Variants in CATSPERE observed in about 807,000 individuals in gnomAD.
The protein encoded by CATSPERE is cation channel sperm-associated auxiliary subunit epsilon.
A neutral mutation model predicts 114.1 loss-of-function variants in CATSPERE; 93 were observed. The ratio of observed to expected loss-of-function variants is 0.81; its 90% CI spans 0.69 to 0.97. CATSPERE has a LOEUF of 0.97. Among genes scored for constraint, CATSPERE ranks in the 50% least tolerant of loss-of-function variants. The pLI is 0.00. For synonymous variants in CATSPERE, 341 were observed against 384.1 expected (o/e 0.89, Z 1.31); for missense variants, 1,058 against 1,131.6 (o/e 0.93, Z 0.93).
chr1:244,593,474 C>A (rs1031151488), intron 16 of CATSPERE, 25 bp from the exon 17 acceptor site: 1 of 1,612,990 alleles, frequency 6.2e-7, no homozygotes, highest in African/African-American at 1.3e-5. Flanking sequence ...TATATAAAAT[C>A]ACTAAAGTAG....
chr1:244,453,257 C>A (rs966163143), upstream of CATSPERE, among the ~76,000 whole-genome samples: 2 of 152,198 alleles, frequency 1.3e-5, no homozygotes, highest in African/African-American at 2.4e-5. Flanking sequence ...CCATCTATTT[C>A]TTTCTAGTCA....
intron 8 of CATSPERE, 92 bp downstream of exon 8, chr1:244,518,790 A>T: frequency 1.5e-6 from 1 of 652,850 alleles, no homozygotes; most frequent in Non-Finnish European, 2.5e-6. Context: ...TGTGTCTTAT[A>T]TGTTATTTTC....
At chr1:244,465,258 A>G (rs1667437405) in intron 2 of CATSPERE, among the ~76,000 whole-genome samples, 1 of 151,426 alleles carries the variant, frequency 6.6e-6, no homozygotes, top group Non-Finnish European at 1.5e-5. Context: ...CTGGTCTTGA[A>G]CTCCTGACCT....
intron 17 of CATSPERE, among the ~76,000 whole-genome samples, chr1:244,599,460 C>CTAT (rs1174479376): frequency 1.3e-5 from 2 of 152,148 alleles, no homozygotes; most frequent in African/African-American, 4.8e-5. Context: ...TTAACAAAGC[C>CTAT]TATTGGGTCT....
intron 18 of CATSPERE, among the ~76,000 whole-genome samples, chr1:244,606,606 C>T (rs1162404291): frequency 7.5e-6 from 1 of 133,268 alleles, no homozygotes; most frequent in Admixed American, 7.7e-5. Flanking sequence ...CTTTCTTTTG[C>T]TTTTTTTTTT....
In CATSPERE at chr1:244,575,290, A is replaced by C. The variant is rs7517558; in HGVS notation, c.1950+2518A>C. ...GCAGGTGCCTGCCGTAAGTTGTACG[A>C]TCATGCTCTTTCACCTCCTCTGCTC... On this transcript the variant is annotated intron_variant, in intron 11 of 21. Coordinates refer to ENST00000366534, the MANE Select transcript of CATSPERE (RefSeq NM_001130957.2). The surrounding 1 kb of genome is among the most constrained non-coding windows in gnomAD (Gnocchi z 4.5). 0.19 allele frequency among the ~76,000 whole-genome samples: 28,299 copies of C among 152,152 alleles called. 3,827 individuals are homozygous for C. Among genetic ancestry groups the C allele is most frequent in the East Asian group, 0.41 (2,106 of 5,172 alleles).
In CATSPERE at chr1:244,607,284, G is replaced by A. The variant is rs2148681967; in HGVS notation, c.2403+1490G>A. On this transcript the variant is annotated intron_variant, in intron 18 of 21. Coordinates refer to ENST00000366534, the MANE Select transcript of CATSPERE (RefSeq NM_001130957.2). This position sits in a 1 kb window ranked among gnomAD's most constrained non-coding sequence, Gnocchi z 4.4. ...GGTCTTAGCCAAAAGGCCACTAAGA[G>A]ATACAGTATCATTTCCAGGTCATTC... 6.6e-6 allele frequency among the ~76,000 whole-genome samples: 1 copy of A among 152,286 alleles called. No homozygotes were observed. Among genetic ancestry groups the A allele is most frequent in the Middle Eastern group, 3.4e-3 (1 of 294 alleles).
At chr1:244,466,809 CCCAGTACCTAATGA>C (rs1213941054) in intron 2 of CATSPERE, among the ~76,000 whole-genome samples, 1 of 152,178 alleles carries the variant, frequency 6.6e-6, no homozygotes, top group Non-Finnish European at 1.5e-5. Flanking sequence ...ACAAGTCTCT[CCCAGTACCTAATGA>C]GGGATGGTGC....
At chr1:244,620,625 A>G (rs1170423514) in intron 20 of CATSPERE, among the ~76,000 whole-genome samples, 1 of 152,170 alleles carries the variant, frequency 6.6e-6, no homozygotes, top group Non-Finnish European at 1.5e-5. Context: ...TATAAATAGC[A>G]TTCTATTTCT....
At chr1:244,615,773 C>T (rs578259582) in intron 19 of CATSPERE, among the ~76,000 whole-genome samples, 15 of 151,896 alleles carry the variant, frequency 9.9e-5, no homozygotes, top group East Asian at 3.9e-4. Flanking sequence ...AGGTAAGTAA[C>T]GGCAGGCATA....
chr1:244,635,555 G>A lies in CATSPERE; in HGVS notation c.2702+13G>A, dbSNP rs762947303. ...GACTGATTCCCAGGTAAGGAGCAGG[G>A]CCTAACTGGACTTTAATTAGGGAAT... On this transcript the variant is annotated intron_variant, in intron 21 of 21. Transcript: ENST00000366534. 7.5e-6 allele frequency: 12 copies of A among 1,602,236 alleles called. No individual in the cohort carries two copies. The highest frequency in any genetic ancestry group is 1.0e-5 in the Non-Finnish European group (12 of 1,170,008).
Position 244,560,813 on chromosome 1 carries a change from A to T in CATSPERE, c.1175A>T (p.Asp392Val), listed in dbSNP as rs751372133. 6.2e-7 allele frequency: 1 copy of T among 1,614,078 alleles called. No homozygotes were observed. The highest frequency in any genetic ancestry group is 8.5e-7 in the Non-Finnish European group (1 of 1,179,972). Residue 392 changes from aspartate to valine, a missense_variant, in exon 10 of 22, where the codon GAC (aspartate) becomes GTC (valine). Around this residue, in one of 2 missense-constraint regions of CATSPERE, gnomAD observed 787 missense variants for 905.6 expected, o/e 0.87. Coordinates refer to ENST00000366534, the MANE Select transcript of CATSPERE (RefSeq NM_001130957.2). The stretch of plus-strand genomic sequence containing the variant: ...TCGGTGACTGCTACTCTGACCATAG[A>T]CAGGGTTGAGTATACAGGACACCCT... ...SLSVTATLTIDRVEYTGHPLE... is the reference protein window; with the variant it reads ...SLSVTATLTIVRVEYTGHPLE...
At chr1:244,516,615 G>C (rs1676675882) in intron 7 of CATSPERE, among the ~76,000 whole-genome samples, 1 of 151,934 alleles carries the variant, frequency 6.6e-6, no homozygotes, top group Non-Finnish European at 1.5e-5. Flanking sequence ...TCCACCTCCT[G>C]AGTTCAAGTG....
At chr1:244,579,017 C>T (rs1019597776) in intron 11 of CATSPERE, among the ~76,000 whole-genome samples, 1 of 151,582 alleles carries the variant, frequency 6.6e-6, no homozygotes, top group Non-Finnish European at 1.5e-5. Flanking sequence ...TCTATGGGCC[C>T]ATGGTGTTAT....
rs115480880 is a variant in CATSPERE at position 244,477,926 on chromosome 1, G to A, written c.209G>A (p.Arg70His). 1,009 of 1,608,436 alleles carry A rather than the reference G, an allele frequency of 6.3e-4. 6 individuals carry two copies. The African/African-American group carries it at 0.011, about 18-fold the overall frequency. Residue 70 changes from arginine to histidine, a missense_variant, in exon 4 of 22, where the codon CGT (arginine) becomes CAT (histidine). Transcript: ENST00000366534. ...LNKSSPTTEL[R>H]CSSPGVHAIK... The stretch of plus-strand genomic sequence containing the variant: ...ACTAGCTCACCCACGACAGAATTGC[G>A]TTGTTCCTCACCTGGTGTTCACGCT...
intron 21 of CATSPERE, among the ~76,000 whole-genome samples, chr1:244,635,828 C>T (rs554054170): frequency 6.6e-6 from 1 of 152,232 alleles, no homozygotes; most frequent in Non-Finnish European, 1.5e-5. Context: ...TCTATCTTCC[C>T]AAATGACAGA....
At chr1:244,546,730 T>A (rs1659819463) in intron 8 of CATSPERE, among the ~76,000 whole-genome samples, 1 of 151,982 alleles carries the variant, frequency 6.6e-6, no homozygotes, top group South Asian at 2.1e-4. Context: ...AGCCAGTTGA[T>A]CAAGGAGAAG....
chr1:244,501,106 T>G (rs1673973124), intron 7 of CATSPERE, among the ~76,000 whole-genome samples: 1 of 152,210 alleles, frequency 6.6e-6, no homozygotes, highest in Admixed American at 6.5e-5. Flanking sequence ...TTTGTAGCAA[T>G]TATGAATGGG....
chr1:244,552,204 C>T (rs1327122209), intron 8 of CATSPERE, 118 bp from the exon 9 acceptor site: 5 of 1,274,588 alleles, frequency 3.9e-6, no homozygotes, highest in Non-Finnish European at 5.2e-6. Context: ...TATTATTTGT[C>T]TTATCCAGAT....
Sources: allele counts gnomAD v4.1 joint callset (sites outside exome capture counted in the v4.1 genomes callset), GRCh38; gene constraint gnomAD v4.1.1; regional missense constraint gnomAD v4.1.1; non-coding constraint Gnocchi (gnomAD v3.1); transcripts MANE v1.5; gene names NCBI Gene and HGNC (gene_info 2026-07-23, HGNC 2026-07-21).